The following FBXL20 variants were observed in gnomAD, a reference collection of about 807,000 sequenced individuals.
FBXL20 encodes F-box and leucine rich repeat protein 20.
FBXL20 carries 11 observed loss-of-function variants against 64.0 expected under a neutral mutation model. That is an observed-to-expected ratio of 0.17 (90% CI 0.11 to 0.28). The LOEUF (loss-of-function observed/expected upper bound fraction) is 0.28, where lower values mean the gene tolerates loss of function less well. Among genes scored for constraint, FBXL20 ranks in the 10% least tolerant of loss-of-function variants. The pLI is 1.00. For missense variants in FBXL20, 303 were observed against 526.2 expected, an observed-to-expected ratio of 0.58 and a Z score of 4.15; for synonymous variants, 184 against 189.0, an observed-to-expected ratio of 0.97 and a Z score of 0.22.
chr17:39,401,394 C>G lies in FBXL20; in HGVS notation c.9G>C (p.Arg3Ser). 1 of 1,610,490 alleles carries G rather than the reference C, an allele frequency of 6.2e-7. No homozygotes were observed. Among genetic ancestry groups the G allele is most frequent in the Non-Finnish European group, 8.5e-7 (1 of 1,178,566 alleles). MR[R>S]DVNGVTKSRF... ...TGCTCTTGGTCACTCCGTTCACGTC[C>G]CTCCTCATGGGGCCGGCGGGTGCGG... The change falls in exon 1 of 15, where the codon AGG becomes AGC. Residue 3 changes from arginine to serine, a missense_variant. Physicochemically the swap from Arg to Ser is moderately radical, Grantham distance 110. This residue lies in a region of FBXL20 where 246 missense variants were observed against 422.6 expected (regional missense o/e 0.58). Transcript: ENST00000264658.
rs1233251866 is a variant in FBXL20 at position 39,256,101 on chromosome 17, A to G, written c.*5359T>C. On this transcript the variant is annotated 3_prime_UTR_variant, in exon 15 of 15. Transcript: ENST00000264658. ...TTTGGGAGGCCAAGGCAGGTGGACC[A>G]CTTGAGGTCAGAAGTTCGAGACTAG... is the stretch of plus-strand genomic sequence containing the variant. 6.6e-6 allele frequency: 1 copy of G among 152,160 alleles called. No individual in the cohort carries two copies. Among genetic ancestry groups the G allele is most frequent in the Non-Finnish European group, 1.5e-5 (1 of 68,056 alleles). 9.4% of individuals were successfully genotyped at this position (152,160 alleles called of 1,614,324 possible).
At chr17:39,311,735 T>C (rs913345730) in intron 2 of FBXL20, among the ~76,000 whole-genome samples, 1 of 152,182 alleles carries the variant, frequency 6.6e-6, no homozygotes, top group African/African-American at 2.4e-5. Flanking sequence ...AGCTTCATAA[T>C]CTAAAGATTC....
At chr17:39,264,947 C>T (rs2046778439) in intron 13 of FBXL20, among the ~76,000 whole-genome samples, 1 of 152,146 alleles carries the variant, frequency 6.6e-6, no homozygotes, top group South Asian at 2.1e-4. Context: ...CTGGATACAA[C>T]AGAACAGTCA....
At chr17:39,394,613 GA>G (rs1245110174) in intron 1 of FBXL20, among the ~76,000 whole-genome samples, 120 of 148,558 alleles carry the variant, frequency 8.1e-4, no homozygotes, top group African/African-American at 2.9e-3. Flanking sequence ...CTCCCAGGCT[GA>G]AGTGCGCTGG....
chr17:39,351,780 T>G (rs2047689390), intron 1 of FBXL20, among the ~76,000 whole-genome samples: 1 of 152,196 alleles, frequency 6.6e-6, no homozygotes, highest in South Asian at 2.1e-4. Context: ...TTCTTATTGT[T>G]TCAAAGGACA....
chr17:39,381,717 G>A (rs1260985690), intron 1 of FBXL20, among the ~76,000 whole-genome samples: 1 of 151,156 alleles, frequency 6.6e-6, no homozygotes, highest in East Asian at 1.9e-4. Context: ...CTGGAGCGGT[G>A]GAGAGGTTTA....
chr17:39,286,254 G>A (rs1251544698), intron 6 of FBXL20, among the ~76,000 whole-genome samples: 4 of 152,070 alleles, frequency 2.6e-5, no homozygotes, highest in South Asian at 2.1e-4. Flanking sequence ...TTGCTCTGTT[G>A]CCCAGGCTGG....
chr17:39,301,535 C>T (rs2144449398), intron 3 of FBXL20, among the ~76,000 whole-genome samples: 1 of 151,884 alleles, frequency 6.6e-6, no homozygotes, highest in Admixed American at 6.6e-5. Flanking sequence ...CGAGACCAGC[C>T]TGGCCAACAT....
intron 1 of FBXL20, among the ~76,000 whole-genome samples, chr17:39,348,320 GCATGGTGACGCA>G (rs2047653895): frequency 6.6e-6 from 1 of 152,134 alleles, no homozygotes; most frequent in Non-Finnish European, 1.5e-5. Context: ...AATTAGCTGG[GCATGGTGACGCA>G]CACCTGTAGT....
chr17:39,276,862 T>C (rs2046901293), intron 9 of FBXL20, among the ~76,000 whole-genome samples: 1 of 152,154 alleles, frequency 6.6e-6, no homozygotes, highest in Non-Finnish European at 1.5e-5. Context: ...TGAAGTGGAA[T>C]GATCGCTTTA....
chr17:39,328,843 C>T (rs1567882076), intron 2 of FBXL20, among the ~76,000 whole-genome samples: 1 of 152,096 alleles, frequency 6.6e-6, no homozygotes, highest in Non-Finnish European at 1.5e-5. Context: ...CACTTGAGGC[C>T]AGGAGTTCAA....
At position 39,253,934 on chromosome 17, in the gene FBXL20, GAA is replaced by G. The variant is rs200069114; in HGVS notation, c.*7524_*7525del. On this transcript the variant is annotated 3_prime_UTR_variant, in exon 15 of 15. Transcript: ENST00000264658. ...TCTCTAGTGCCATAAAAAAGGAAAA[GAA>G]AAAAAAAGAGTAGAATAATGACTTC... is the stretch of plus-strand genomic sequence containing the variant. 2 of 149,928 alleles carry G rather than the reference GAA, an allele frequency of 1.3e-5. No homozygotes were observed. Among genetic ancestry groups the G allele is most frequent in the Admixed American group, 6.7e-5 (1 of 15,032 alleles). 9.3% of individuals were successfully genotyped at this position (149,928 alleles called of 1,614,324 possible).
intron 2 of FBXL20, among the ~76,000 whole-genome samples, chr17:39,323,026 G>C (rs545279164): frequency 6.7e-6 from 1 of 150,224 alleles, no homozygotes; most frequent in Admixed American, 6.7e-5. Context: ...CTGGAGTGCA[G>C]TGGCACAATC....
intron 2 of FBXL20, among the ~76,000 whole-genome samples, chr17:39,322,789 GTTT>G (rs1198517878): frequency 3.9e-5 from 6 of 151,940 alleles, no homozygotes; most frequent in Non-Finnish European, 1.5e-5. Flanking sequence ...CCTCATTAAT[GTTT>G]TTATTTATTT....
chr17:39,335,291 CTT>C (rs1238242325), intron 2 of FBXL20, among the ~76,000 whole-genome samples: 7 of 151,902 alleles, frequency 4.6e-5, no homozygotes, highest in Non-Finnish European at 1.0e-4. Context: ...GGTAGCTTGA[CTT>C]TTTGTTCAAG....
intron 2 of FBXL20, among the ~76,000 whole-genome samples, chr17:39,310,652 C>G (rs1022950351): frequency 6.6e-6 from 1 of 151,888 alleles, no homozygotes; most frequent in African/African-American, 2.4e-5. Context: ...AGGTTGAGAC[C>G]AGCCTGGGCA....
At chr17:39,370,966 C>T (rs1008546301) in intron 1 of FBXL20, among the ~76,000 whole-genome samples, 1 of 152,108 alleles carries the variant, frequency 6.6e-6, no homozygotes, top group Non-Finnish European at 1.5e-5. Flanking sequence ...CGCCTATAAT[C>T]CCAGCACTTT....
intron 2 of FBXL20, among the ~76,000 whole-genome samples, chr17:39,306,248 T>A (rs541188694): frequency 7.3e-5 from 11 of 150,482 alleles, no homozygotes; most frequent in Middle Eastern, 3.5e-3. Context: ...CCTCTTGGGG[T>A]CACGTGATTC....
At chr17:39,300,768 C>A (rs1187752411) in intron 4 of FBXL20, among the ~76,000 whole-genome samples, 1 of 152,142 alleles carries the variant, frequency 6.6e-6, no homozygotes, top group Non-Finnish European at 1.5e-5. Flanking sequence ...ACCAAAGAGT[C>A]CTATTTAGTC....
Sources: gnomAD v4.1 joint callset for allele counts (sites outside exome capture counted in the v4.1 genomes callset) on GRCh38, gnomAD v4.1.1 for gene constraint, gnomAD v4.1.1 regional missense constraint, MANE v1.5 for transcripts, NCBI Gene and HGNC (gene_info 2026-07-23, HGNC 2026-07-21) for gene names.